Variants in FZD3 observed in about 807,000 individuals in gnomAD.
The protein encoded by FZD3 is frizzled-3.
FZD3 carries 30 observed loss-of-function variants against 60.7 expected under a neutral mutation model. That is an observed-to-expected ratio of 0.49 (90% CI 0.37 to 0.67). FZD3 has a LOEUF of 0.67. Among genes scored for constraint, FZD3 ranks in the 30% least tolerant of loss-of-function variants. The pLI is 0.00. For missense variants in FZD3, 605 were observed against 838.7 expected (o/e 0.72, Z 3.44); for synonymous variants, 246 against 275.2 (o/e 0.89, Z 1.05).
intron 3 of FZD3, among the ~76,000 whole-genome samples, chr8:28,503,946 C>T (rs929216983): frequency 4.6e-5 from 7 of 152,102 alleles, no homozygotes; most frequent in African/African-American, 1.7e-4. Context: ...TAGTACTTGG[C>T]GCATAGTAAG....
At chr8:28,525,908 T>TG (rs11400927) in intron 4 of FZD3, among the ~76,000 whole-genome samples, 94,783 of 151,718 alleles carry the variant, frequency 0.62, 30,020 homozygotes, top group African/African-American at 0.71. Flanking sequence ...GCTGGTAGAT[T>TG]TCATAGGTAT....
At chr8:28,501,879 AT>A (rs1467535714) in intron 2 of FZD3, among the ~76,000 whole-genome samples, 1 of 152,194 alleles carries the variant, frequency 6.6e-6, no homozygotes, top group Non-Finnish European at 1.5e-5. Flanking sequence ...GTGTTATTAA[AT>A]TTTTGTACTG....
chr8:28,514,063 C>T (rs554221843), intron 3 of FZD3, among the ~76,000 whole-genome samples: 6 of 152,128 alleles, frequency 3.9e-5, no homozygotes, highest in Non-Finnish European at 7.4e-5. Flanking sequence ...TTGTAGAAAC[C>T]AGAAATTTAA....
intron 5 of FZD3, among the ~76,000 whole-genome samples, chr8:28,541,023 A>G (rs918725566): frequency 3.3e-5 from 5 of 152,156 alleles, no homozygotes; most frequent in African/African-American, 1.2e-4. Context: ...CCTTTATTCA[A>G]ATATTTTTCT....
At chr8:28,510,859 A>G (rs1198868257) in intron 3 of FZD3, among the ~76,000 whole-genome samples, 2 of 151,712 alleles carry the variant, frequency 1.3e-5, no homozygotes, top group East Asian at 3.9e-4. Flanking sequence ...CAATATGGTG[A>G]AACCTCATCT....
intron 3 of FZD3, among the ~76,000 whole-genome samples, chr8:28,514,906 T>G (rs529769722): frequency 1.3e-5 from 2 of 152,268 alleles, no homozygotes; most frequent in South Asian, 4.2e-4. Context: ...TACTTATGGG[T>G]TATTAAGACC....
At chr8:28,498,227 AG>A (rs1803895054) in intron 1 of FZD3, among the ~76,000 whole-genome samples, 1 of 152,136 alleles carries the variant, frequency 6.6e-6, no homozygotes, top group Non-Finnish European at 1.5e-5. Context: ...CACTTTTTGC[AG>A]GGCCCTGGCC....
At chr8:28,502,280 T>C (rs1305021174) in intron 2 of FZD3, among the ~76,000 whole-genome samples, 1 of 152,196 alleles carries the variant, frequency 6.6e-6, no homozygotes, top group Non-Finnish European at 1.5e-5. Flanking sequence ...TTAAAACACA[T>C]GCAATTTTAG....
chr8:28,545,258 T>G (rs1440604290), intron 5 of FZD3, among the ~76,000 whole-genome samples: 1 of 152,232 alleles, frequency 6.6e-6, no homozygotes, highest in Non-Finnish European at 1.5e-5. Context: ...CCTCAAATTG[T>G]GCTGGCACTG....
intron 6 of FZD3, among the ~76,000 whole-genome samples, chr8:28,552,815 CG>C (rs1234130572): frequency 3.9e-5 from 6 of 151,960 alleles, no homozygotes; most frequent in Non-Finnish European, 7.4e-5. Flanking sequence ...TTGTATCTGG[CG>C]GTTCCATATC....
chr8:28,509,850 C>T (rs531340720), intron 3 of FZD3, among the ~76,000 whole-genome samples: 1 of 152,136 alleles, frequency 6.6e-6, no homozygotes, highest in Non-Finnish European at 1.5e-5. Flanking sequence ...TCAGTGGACA[C>T]TTGGGTTGTT....
chr8:28,559,178 A>G (rs1364982020), intron 7 of FZD3, among the ~76,000 whole-genome samples: 1 of 152,222 alleles, frequency 6.6e-6, no homozygotes, highest in Non-Finnish European at 1.5e-5. Flanking sequence ...ATAGAGCTGT[A>G]GCTTAGATAA....
At chr8:28,507,918 G>A (rs550587920) in intron 3 of FZD3, among the ~76,000 whole-genome samples, 13 of 152,146 alleles carry the variant, frequency 8.5e-5, no homozygotes, top group Non-Finnish European at 1.6e-4. Flanking sequence ...TTGACACAAG[G>A]TCTTGCTCTG....
At chr8:28,511,709 A>C (rs1455703040) in intron 3 of FZD3, among the ~76,000 whole-genome samples, 1 of 152,132 alleles carries the variant, frequency 6.6e-6, no homozygotes, top group Admixed American at 6.5e-5. Flanking sequence ...GAAATCTGGG[A>C]TGCCTAGAAG....
chr8:28,506,615 C>T (rs1055168235), intron 3 of FZD3, among the ~76,000 whole-genome samples: 3 of 152,028 alleles, frequency 2.0e-5, no homozygotes, highest in South Asian at 2.1e-4. Context: ...GGAAAAACTC[C>T]TGGAATGGTT....
In FZD3 at chr8:28,573,960, A is replaced by G. The variant is rs1380897280; in HGVS notation, c.*10949A>G. 2 of 152,136 alleles carry G rather than the reference A, an allele frequency of 1.3e-5. No individual in the cohort carries two copies. The highest frequency in any genetic ancestry group is 1.5e-5 in the Non-Finnish European group (1 of 68,000). The allele number at this position is 152,136 out of a possible 1,614,324, so 9.4% of individuals were successfully genotyped here. ...TTGTATTTTGTGGCATTAGTTCTTC[A>G]TGTTTCTTTTTTATATGTTTATTAA... is the stretch of plus-strand genomic sequence containing the variant. On this transcript the variant is annotated 3_prime_UTR_variant, in exon 8 of 8. Transcript: ENST00000240093.
chr8:28,569,678 T>G lies in FZD3; in HGVS notation c.*6667T>G, dbSNP rs1043877514. On this transcript the variant is annotated 3_prime_UTR_variant, in exon 8 of 8. Coordinates refer to ENST00000240093, the MANE Select transcript of FZD3 (RefSeq NM_017412.4). ...TTTCCATTAGTGATTTTAAGTAATT[T>G]TAAAGAAGGAAAATTATATTACAGA... is the stretch of plus-strand genomic sequence containing the variant. 1 of 152,162 alleles carries G rather than the reference T, an allele frequency of 6.6e-6. No individual in the cohort carries two copies. The highest frequency in any genetic ancestry group is 2.4e-5 in the African/African-American group (1 of 41,430). 9.4% of individuals were successfully genotyped at this position (152,162 alleles called of 1,614,324 possible).
chr8:28,514,796 C>T (rs994884363), intron 3 of FZD3, among the ~76,000 whole-genome samples: 3 of 152,198 alleles, frequency 2.0e-5, no homozygotes, highest in Non-Finnish European at 2.9e-5. Flanking sequence ...CTTATGCCCA[C>T]CAAGTAGGCC....
At chr8:28,517,313 G>A (rs984531503) in intron 3 of FZD3, among the ~76,000 whole-genome samples, 1 of 152,044 alleles carries the variant, frequency 6.6e-6, no homozygotes, top group African/African-American at 2.4e-5. Context: ...AGTTACTGTC[G>A]CCTCCTTGAA....
Sources: allele counts gnomAD v4.1 joint callset (sites outside exome capture counted in the v4.1 genomes callset), GRCh38; gene constraint gnomAD v4.1.1; transcripts MANE v1.5; gene names NCBI Gene and HGNC (gene_info 2026-07-23, HGNC 2026-07-21).